The following KDM7A variants were observed in gnomAD, a reference collection of about 807,000 sequenced individuals.
KDM7A encodes lysine demethylase 7A.
Under a neutral mutation model 114.8 loss-of-function variants are expected in KDM7A, and 28 were observed. The ratio of observed to expected loss-of-function variants is 0.24; its 90% confidence interval spans 0.18 to 0.33. KDM7A has a LOEUF of 0.33. Among genes scored for constraint, KDM7A ranks in the 10% least tolerant of loss-of-function variants. The pLI, the probability that KDM7A is intolerant of heterozygous loss-of-function variation, is 1.00. For synonymous variants in KDM7A, 423 were observed against 397.8 expected (o/e 1.06, Z -0.75); for missense variants, 942 against 1,142.5 (o/e 0.82, Z 2.53).
Position 140,101,620 on chromosome 7 carries a change from T to C in KDM7A, c.1638+331A>G, listed in dbSNP as rs971368516. ...GTATATGTCTCTGTCTCCCCATCCT[T>C]CCAGCTTGAACTAGGATGGAAGCTT... On this transcript the variant is annotated intron_variant, in intron 12 of 19. Transcript: ENST00000397560. Among the ~76,000 whole-genome samples, 39 of 152,186 alleles carry C rather than the reference T, an allele frequency of 2.6e-4. 1 individual carries two copies. The highest frequency in any genetic ancestry group is 1.2e-4 in the Non-Finnish European group (8 of 68,034).
intron 1 of KDM7A, among the ~76,000 whole-genome samples, chr7:140,170,136 C>T (rs181390460): frequency 3.0e-4 from 46 of 152,098 alleles, no homozygotes; most frequent in African/African-American, 1.1e-3. Flanking sequence ...TATTTCCTAT[C>T]CCTAACCAAT....
At chr7:140,125,370 G>A (rs1250067811) in intron 6 of KDM7A, among the ~76,000 whole-genome samples, 1 of 152,156 alleles carries the variant, frequency 6.6e-6, no homozygotes, top group African/African-American at 2.4e-5. Context: ...TTTTGTATCT[G>A]TGCTAACCAA....
intron 1 of KDM7A, among the ~76,000 whole-genome samples, chr7:140,144,502 C>T (rs1274662580): frequency 6.6e-6 from 1 of 152,080 alleles, no homozygotes; most frequent in Non-Finnish European, 1.5e-5. Context: ...ATAAACTGGT[C>T]TTCATACTAC....
rs1818868230 is a variant in KDM7A, at chr7:140,136,235, G to A, written c.281-2579C>T. Among the ~76,000 whole-genome samples, 9 of 152,204 alleles carry A rather than the reference G, an allele frequency of 5.9e-5. 1 individual carries two copies. Among genetic ancestry groups the A allele is most frequent in the Admixed American group, 5.9e-4 (9 of 15,288 alleles). ...TTTTTCTCATTTCTCACATGGAGTT[G>A]TTATAAATGTCAAAGAAGATAACAT... On this transcript the variant is annotated intron_variant, in intron 2 of 19. Coordinates refer to ENST00000397560, the MANE Select transcript of KDM7A (RefSeq NM_030647.2).
chr7:140,113,643 A>ATCCCT, intron 9 of KDM7A, 61 bp from the exon 10 acceptor site: 5 of 839,120 alleles, frequency 6.0e-6, no homozygotes, highest in Non-Finnish European at 9.7e-6. Flanking sequence ...AGTTAAAGGG[A>ATCCCT]TTAACTTCAG....
chr7:140,100,741 T>TATATATATATATATATATATAC (rs1562946178), intron 12 of KDM7A, among the ~76,000 whole-genome samples: 1 of 45,598 alleles, frequency 2.2e-5, no homozygotes, highest in South Asian at 7.8e-4. Context: ...TATATATATA[T>TATATATATATATATATATATAC]ACATATATAT....
intron 1 of KDM7A, among the ~76,000 whole-genome samples, chr7:140,142,322 A>T (rs1794292690): frequency 6.6e-6 from 1 of 151,768 alleles, no homozygotes; most frequent in Admixed American, 6.6e-5. Flanking sequence ...ATTAAACTAT[A>T]AAGAGTGAAA....
chr7:140,097,126 T>G (rs778742672), intron 15 of KDM7A, 79 bp from the exon 16 acceptor site: 2 of 1,021,848 alleles, frequency 2.0e-6, no homozygotes, highest in Non-Finnish European at 2.9e-6. Flanking sequence ...AAAGATTTTA[T>G]ACATCTAGAG....
chr7:140,099,749 T>A (rs1818172361), intron 13 of KDM7A, 150 bp downstream of exon 13: 1 of 664,814 alleles, frequency 1.5e-6, no homozygotes, highest in Non-Finnish European at 2.7e-6. Flanking sequence ...GTGCAACAGT[T>A]TAATCCCAAA....
chr7:140,097,450 T>G, intron 15 of KDM7A, 95 bp downstream of exon 15: 7 of 688,044 alleles, frequency 1.0e-5, no homozygotes, highest in African/African-American at 3.6e-5. Flanking sequence ...AGACAAGCTT[T>G]GAGAAAAGCT....
chr7:140,107,677 C>T (rs906176756), intron 11 of KDM7A, among the ~76,000 whole-genome samples: 8 of 152,168 alleles, frequency 5.3e-5, no homozygotes, highest in African/African-American at 1.7e-4. Context: ...GTGGGTAACC[C>T]GACCTTTCTC....
At chr7:140,139,619 AAAAG>A (rs1467880607) in intron 1 of KDM7A, among the ~76,000 whole-genome samples, 1 of 152,212 alleles carries the variant, frequency 6.6e-6, no homozygotes, top group Non-Finnish European at 1.5e-5. Context: ...CTGCTAGAAA[AAAAG>A]AGGCTGAAAT....
Position 140,090,043 on chromosome 7 carries a change from G to A in KDM7A, c.*1051C>T, listed in dbSNP as rs922880848. 2.6e-5 allele frequency: 4 copies of A among 152,170 alleles called. No individual in the cohort carries two copies. Among genetic ancestry groups the A allele is most frequent in the African/African-American group, 9.7e-5 (4 of 41,428 alleles). 9.4% of individuals were successfully genotyped at this position (152,170 alleles called of 1,614,324 possible). The stretch of plus-strand genomic sequence containing the variant: ...TCATAAGGTATAACCTCTGCAGCAG[G>A]TGCCAGTCCTGTTGTCCAACAGCAG... On this transcript the variant is annotated 3_prime_UTR_variant, in exon 20 of 20. Transcript: ENST00000397560.
intron 1 of KDM7A, among the ~76,000 whole-genome samples, chr7:140,142,952 C>T (rs1002372844): frequency 1.6e-4 from 25 of 151,664 alleles, no homozygotes; most frequent in African/African-American, 5.1e-4. Context: ...TTAATCAAGG[C>T]GGGCGGATCA....
chr7:140,113,433 T>C (rs1818464991), intron 10 of KDM7A, 58 bp downstream of exon 10: 2 of 1,023,284 alleles, frequency 2.0e-6, no homozygotes. Context: ...GCACAAGGAC[T>C]CTGTTTTCCT....
intron 14 of KDM7A, 93 bp from the exon 15 acceptor site, chr7:140,097,735 G>T: frequency 4.3e-6 from 3 of 691,766 alleles, no homozygotes; most frequent in Non-Finnish European, 5.2e-6. Flanking sequence ...CCCAGCTTGT[G>T]ATGTCTCTCA....
At chr7:140,121,944 C>T (rs1261999600) in intron 7 of KDM7A, among the ~76,000 whole-genome samples, 2 of 152,198 alleles carry the variant, frequency 1.3e-5, no homozygotes, top group Non-Finnish European at 2.9e-5. Context: ...ACATTGCCTA[C>T]AGCAGTGGTT....
At chr7:140,162,971 AAAGT>A (rs1794536503) in intron 1 of KDM7A, among the ~76,000 whole-genome samples, 2 of 152,076 alleles carry the variant, frequency 1.3e-5, no homozygotes, top group African/African-American at 2.4e-5. Context: ...TAATAAATAA[AAAGT>A]AAGATTTTTG....
Position 140,129,759 on chromosome 7 carries a change from T to A in KDM7A, c.399-106A>T. ...TCATATACTGGATTATCTATATCAGTGGTTCTTAACCTATCACTTCTCATT... is the reference window on the plus strand; with the variant it reads ...TCATATACTGGATTATCTATATCAGAGGTTCTTAACCTATCACTTCTCATT... On this transcript the variant is annotated intron_variant, in intron 3 of 19. Coordinates refer to ENST00000397560, the MANE Select transcript of KDM7A (RefSeq NM_030647.2). The A allele has an allele frequency of 4.4e-6, 3 of 687,914 alleles. No individual in the cohort carries two copies. In the South Asian group the frequency reaches 5.4e-5, roughly 12 times the overall value. The allele number at this position is 687,914 out of a possible 1,614,324, so 42.6% of individuals were successfully genotyped here.
Sources: gnomAD v4.1 joint callset for allele counts (sites outside exome capture counted in the v4.1 genomes callset) on GRCh38, gnomAD v4.1.1 for gene constraint, MANE v1.5 for transcripts, NCBI Gene and HGNC (gene_info 2026-07-23, HGNC 2026-07-21) for gene names.